CREBBP: variants seen among roughly 807,000 people sequenced by gnomAD.
CREBBP encodes CREB-binding protein.
In CREBBP, 19 loss-of-function variants were observed where a neutral mutation model predicts 265.0. That is an observed-to-expected ratio of 0.07 (90% CI 0.05 to 0.11). The LOEUF (loss-of-function observed/expected upper bound fraction) is 0.11. Among genes scored for constraint, CREBBP ranks in the 10% least tolerant of loss-of-function variants. CREBBP has a pLI of 1.00. For missense variants in CREBBP, 2,525 were observed against 3,219.0 expected (o/e 0.78, Z 5.22); for synonymous variants, 1,457 against 1,223.7 (o/e 1.19, Z -3.98).
intron 19 of CREBBP, among the ~76,000 whole-genome samples, chr16:3,754,308 G>A (rs1194316267): frequency 6.6e-6 from 1 of 152,196 alleles, no homozygotes; most frequent in Non-Finnish European, 1.5e-5. Context: ...ATCAGCTAAA[G>A]CAACCCTGGC....
At chr16:3,732,049 ACCAGGCAGACCC>A in intron 28 of CREBBP, 112 bp from the exon 29 acceptor site, 1 of 1,589,006 alleles carries the variant, frequency 6.3e-7, no homozygotes, top group South Asian at 1.1e-5. Flanking sequence ...GTAGGTCACC[ACCAGGCAGACCC>A]CATACGTGAA....
intron 17 of CREBBP, 64 bp downstream of exon 17, chr16:3,758,790 A>G: frequency 8.2e-7 from 1 of 1,219,786 alleles, no homozygotes; most frequent in Non-Finnish European, 1.2e-6. Flanking sequence ...TTCAAGAGAT[A>G]AAACAATGGA....
Position 3,810,696 on chromosome 16 carries a change from G to T in CREBBP, c.882C>A (p.Asn294Lys). 1.2e-6 allele frequency: 2 copies of T among 1,613,916 alleles called. No individual in the cohort carries two copies. The highest frequency in any genetic ancestry group is 1.7e-6 in the Non-Finnish European group (2 of 1,179,966). Residue 294 changes from asparagine (N) to lysine (K), a missense_variant, in exon 3 of 31, where the codon AAC becomes AAA. This residue lies in a region of CREBBP where 126 missense variants were observed against 171.9 expected (regional missense o/e 0.73). Coordinates refer to ENST00000262367, the MANE Select transcript of CREBBP (RefSeq NM_004380.3). ...GGQPMGATGV[N>K]PQLASKQSMV... is the part of the protein sequence containing the mutation. ...TGCTCTGTTTGCTGGCTAACTGGGG[G>T]TTCACTCCAGTGGCTCCCATTGGCT...
intron 1 of CREBBP, among the ~76,000 whole-genome samples, chr16:3,852,244 C>T (rs978253575): frequency 1.6e-4 from 22 of 136,452 alleles, no homozygotes; most frequent in African/African-American, 5.7e-4. Context: ...TCTCGGCTCA[C>T]TGCAAGGTCC....
At chr16:3,834,587 G>A (rs2054405112) in intron 2 of CREBBP, among the ~76,000 whole-genome samples, 1 of 152,114 alleles carries the variant, frequency 6.6e-6, no homozygotes, top group African/African-American at 2.4e-5. Flanking sequence ...TACTCTGCAT[G>A]ACACTACAAT....
At chr16:3,861,740 T>C (rs1324604981) in intron 1 of CREBBP, among the ~76,000 whole-genome samples, 1 of 150,972 alleles carries the variant, frequency 6.6e-6, no homozygotes, top group Non-Finnish European at 1.5e-5. Context: ...TTTAAACAAG[T>C]TCCCAAAAGA....
At chr16:3,821,210 T>C (rs572731642) in intron 2 of CREBBP, among the ~76,000 whole-genome samples, 1 of 152,320 alleles carries the variant, frequency 6.6e-6, no homozygotes, top group East Asian at 1.9e-4. Context: ...CTGATGACAT[T>C]TTTTATTTCA....
At chr16:3,781,379 C>G (rs1596917621) in intron 6 of CREBBP, 73 bp from the exon 7 acceptor site, 1 of 1,175,776 alleles carries the variant, frequency 8.5e-7, no homozygotes, top group East Asian at 2.5e-5. Context: ...TGACAGATAA[C>G]CAACATGCCA....
chr16:3,788,918 T>C (rs2053447041), intron 5 of CREBBP, among the ~76,000 whole-genome samples: 1 of 152,180 alleles, frequency 6.6e-6, no homozygotes, highest in African/African-American at 2.4e-5. Context: ...TGCCACTGCA[T>C]GCCAGTCTGG....
chr16:3,816,360 G>C lies in CREBBP; in HGVS notation c.799-5581C>G, dbSNP rs1271273700. Among the ~76,000 whole-genome samples the C allele has an allele frequency of 3.9e-5, 6 of 152,304 alleles. No homozygotes were observed. The East Asian group carries it at 9.6e-4, about 24-fold the overall frequency. On this transcript the variant is annotated intron_variant, in intron 2 of 30. Coordinates refer to ENST00000262367, the MANE Select transcript of CREBBP (RefSeq NM_004380.3). ...TATGATAAGAAAAATATTGAAGCCA[G>C]ATCCTGAGGTTTCCCCAACTCCAAC... is the stretch of plus-strand genomic sequence containing the variant.
intron 2 of CREBBP, among the ~76,000 whole-genome samples, chr16:3,834,761 T>C (rs748199566): frequency 8.6e-5 from 13 of 151,990 alleles, no homozygotes; most frequent in Non-Finnish European, 1.5e-4. Flanking sequence ...ATGTTGAAAA[T>C]GGAGGAGACT....
At chr16:3,863,292 C>T (rs1169415732) in intron 1 of CREBBP, among the ~76,000 whole-genome samples, 1 of 152,032 alleles carries the variant, frequency 6.6e-6, no homozygotes, top group Non-Finnish European at 1.5e-5. Flanking sequence ...TACTATTTAC[C>T]TTCCATTTAA....
intron 5 of CREBBP, among the ~76,000 whole-genome samples, chr16:3,785,024 AAAG>A (rs1266994787): frequency 1.3e-5 from 2 of 152,258 alleles, no homozygotes; most frequent in African/African-American, 4.8e-5. Context: ...ATGAACAAAT[AAAG>A]AAGGTCTCTG....
chr16:3,736,837 G>A (rs750985023), intron 26 of CREBBP, 22 bp from the exon 27 acceptor site: 60 of 1,613,084 alleles, frequency 3.7e-5, no homozygotes, highest in Non-Finnish European at 4.7e-5. Flanking sequence ...ACGCACACAC[G>A]TCAGATGAAC....
At chr16:3,841,706 T>C (rs989861600) in intron 2 of CREBBP, among the ~76,000 whole-genome samples, 3 of 152,178 alleles carry the variant, frequency 2.0e-5, no homozygotes, top group African/African-American at 7.2e-5. Flanking sequence ...AGATTAGTCA[T>C]TTCTTAGCCA....
intron 1 of CREBBP, among the ~76,000 whole-genome samples, chr16:3,861,943 C>T (rs985878846): frequency 1.3e-5 from 2 of 152,160 alleles, no homozygotes; most frequent in Non-Finnish European, 2.9e-5. Flanking sequence ...CTCAGAATCA[C>T]TGATCTGCTG....
chr16:3,745,525 T>A (rs2052322260), intron 21 of CREBBP, 171 bp from the exon 22 acceptor site: 1 of 673,820 alleles, frequency 1.5e-6, no homozygotes, highest in Non-Finnish European at 2.7e-6. Flanking sequence ...ATCCGTATGA[T>A]ATCTTCTACA....
At chr16:3,761,765 G>A (rs888759390) in intron 16 of CREBBP, among the ~76,000 whole-genome samples, 1 of 152,192 alleles carries the variant, frequency 6.6e-6, no homozygotes, top group Non-Finnish European at 1.5e-5. Flanking sequence ...GGGAAGCGTC[G>A]GAAACACACA....
chr16:3,855,942 T>G (rs1251488093), intron 1 of CREBBP, among the ~76,000 whole-genome samples: 1 of 152,258 alleles, frequency 6.6e-6, no homozygotes, highest in Admixed American at 6.5e-5. Context: ...TACTCCTTAA[T>G]AAATATTTTT....
Sources: gnomAD v4.1 joint callset for allele counts (sites outside exome capture counted in the v4.1 genomes callset) on GRCh38, gnomAD v4.1.1 for gene constraint, gnomAD v4.1.1 regional missense constraint, MANE v1.5 for transcripts, NCBI Gene and HGNC (gene_info 2026-07-23, HGNC 2026-07-21) for gene names.